Variants in DYRK4 observed in about 807,000 individuals in gnomAD.
DYRK4 encodes the protein dual specificity tyrosine phosphorylation regulated kinase 4.
Under a neutral mutation model 68.3 loss-of-function variants are expected in DYRK4, and 64 were observed. That is an observed-to-expected ratio of 0.94 (90% confidence interval 0.77 to 1.15). The LOEUF (loss-of-function observed/expected upper bound fraction) is 1.15, where lower values mean the gene tolerates loss of function less well. Ranked by LOEUF, DYRK4 falls within the 50% of genes most tolerant of loss-of-function variation. DYRK4 has a pLI of 0.00. For missense variants in DYRK4, 740 were observed against 764.7 expected, an observed-to-expected ratio of 0.97 and a Z score of 0.38; for synonymous variants, 274 against 289.9, an observed-to-expected ratio of 0.95 and a Z score of 0.56.
intron 10 of DYRK4, chr12:4,603,271 T>G: frequency 1.1e-6 from 1 of 894,140 alleles, no homozygotes; most frequent in Non-Finnish European, 1.8e-6. Context: ...CTTTTAAGTC[T>G]TGGTTAATAT....
chr12:4,571,733 CAT>C (rs1459510141), intron 2 of DYRK4, among the ~76,000 whole-genome samples: 25 of 152,098 alleles, frequency 1.6e-4, no homozygotes, highest in South Asian at 1.5e-3. Flanking sequence ...TTAAATAAAA[CAT>C]ATTATTAAAA....
At chr12:4,610,305 C>CTGCTT in intron 13 of DYRK4, 21 bp downstream of exon 13, 1 of 1,513,844 alleles carries the variant, frequency 6.6e-7, no homozygotes, top group Non-Finnish European at 8.8e-7. Context: ...TGGGACATCT[C>CTGCTT]TGCTTCTGGG....
rs1255131704 is a variant in DYRK4, at chr12:4,593,012, G to C, written c.474G>C (p.Lys158Asn). 5.0e-6 allele frequency: 8 copies of C among 1,613,900 alleles called. No homozygotes were observed. The Middle Eastern group carries it at 4.9e-4, about 100-fold the overall frequency. Residue 158 changes from lysine (K) to asparagine (N), a missense_variant, in exon 6 of 15, where the codon AAG (lysine) becomes AAC (asparagine). By Grantham distance (94) the Lys-to-Asn change is moderately conservative. Transcript: ENST00000543431. ...KVTLTAAEAL[K>N]LFKNQLSPYE... ...GTGTTTTTCACACAGAGGCCCTAAA[G>C]CTTTTTAAGAACCAGCTGTCTCCAT...
chr12:4,587,496 C>T (rs1357073978), intron 2 of DYRK4, among the ~76,000 whole-genome samples: 5 of 152,328 alleles, frequency 3.3e-5, no homozygotes, highest in Admixed American at 3.3e-4. Flanking sequence ...CTACCGCATC[C>T]TCAATGTCAG....
Position 4,612,590 on chromosome 12 carries a change from C to T in DYRK4, c.1538C>T (p.Ala513Val). ...RMTPDQALKHAWIHQSRNLKP... is the reference protein window; with the variant it reads ...RMTPDQALKHVWIHQSRNLKP... Reference sequence around the variant, plus strand: ...ACCCCGGACCAGGCCCTCAAGCATGCTTGGATTCATCAGTCTCGGAACCTC... The same window carrying T: ...ACCCCGGACCAGGCCCTCAAGCATGTTTGGATTCATCAGTCTCGGAACCTC... Residue 513 changes from alanine to valine, a missense_variant, in exon 14 of 15, where the codon GCT (alanine) becomes GTT (valine). Physicochemically the swap from Ala to Val is moderately conservative, Grantham distance 64. This residue lies in a region of DYRK4 where 614 missense variants were observed against 603.7 expected (regional missense o/e 1.02). Coordinates refer to ENST00000543431, the MANE Select transcript of DYRK4 (RefSeq NM_001394779.1). 6.2e-7 allele frequency: 1 copy of T among 1,614,218 alleles called. No homozygotes were observed. The highest frequency in any genetic ancestry group is 1.3e-5 in the African/African-American group (1 of 75,066).
chr12:4,567,865 C>T (rs1189304294), intron 1 of DYRK4, 90 bp from the exon 2 acceptor site: 1 of 1,147,296 alleles, frequency 8.7e-7, no homozygotes, highest in African/African-American at 1.6e-5. Flanking sequence ...TTTCTTCAAA[C>T]CTGCCTGCTT....
At chr12:4,588,239 A>T (rs1210878542) in intron 2 of DYRK4, among the ~76,000 whole-genome samples, 3 of 151,568 alleles carry the variant, frequency 2.0e-5, no homozygotes, top group Non-Finnish European at 4.4e-5. Flanking sequence ...TTTTTTTTTT[A>T]ACTTAAATTT....
intron 10 of DYRK4, chr12:4,602,213 T>C: frequency 1.0e-6 from 1 of 957,534 alleles, no homozygotes. Context: ...ATGTCTTCAA[T>C]CTGCTTTGCT....
chr12:4,594,107 T>C (rs1394980187), intron 6 of DYRK4, among the ~76,000 whole-genome samples: 1 of 152,178 alleles, frequency 6.6e-6, no homozygotes, highest in Non-Finnish European at 1.5e-5. Context: ...GTTTTCAATA[T>C]TTTCGGTCAA....
chr12:4,601,562 G>GA (rs199762269), intron 10 of DYRK4, among the ~76,000 whole-genome samples: 1,945 of 151,554 alleles, frequency 0.013, 49 homozygotes, highest in African/African-American at 0.045. Flanking sequence ...GAAGTAAGTG[G>GA]AAAAAAAACT....
At chr12:4,569,038 A>C (rs1011765573) in intron 2 of DYRK4, among the ~76,000 whole-genome samples, 1 of 152,078 alleles carries the variant, frequency 6.6e-6, no homozygotes, top group Non-Finnish European at 1.5e-5. Context: ...TCCTCCTATA[A>C]ATCACATATA....
At chr12:4,603,669 G>A (rs543701388) in intron 10 of DYRK4, among the ~76,000 whole-genome samples, 1 of 152,310 alleles carries the variant, frequency 6.6e-6, no homozygotes, top group South Asian at 2.1e-4. Context: ...GGCCTCTCTG[G>A]CAGATCAATT....
At chr12:4,592,933 A>G (rs1480832241) in intron 5 of DYRK4, 69 bp from the exon 6 acceptor site, 1 of 1,553,352 alleles carries the variant, frequency 6.4e-7, no homozygotes, top group Non-Finnish European at 8.8e-7. Context: ...AAGGGATGCC[A>G]TCGTCTGCAT....
chr12:4,605,733 T>G (rs951880533), intron 11 of DYRK4, among the ~76,000 whole-genome samples: 59 of 32,944 alleles, frequency 1.8e-3, no homozygotes, highest in Non-Finnish European at 3.9e-3. Flanking sequence ...AGCTGGGTTT[T>G]TTTTTTTTTT....
chr12:4,563,449 C>T (rs1023533282), intron 1 of DYRK4, among the ~76,000 whole-genome samples: 1 of 152,228 alleles, frequency 6.6e-6, no homozygotes, highest in Admixed American at 6.5e-5. Context: ...TTAGCTGACT[C>T]TAAGCCCATC....
chr12:4,580,879 C>T (rs1349831346), intron 2 of DYRK4: 2 of 455,600 alleles, frequency 4.4e-6, no homozygotes, highest in Non-Finnish European at 8.8e-6. Context: ...TGAAGTATGA[C>T]TGAGGCGGGA....
intron 6 of DYRK4, among the ~76,000 whole-genome samples, chr12:4,593,675 C>T (rs754573169): frequency 7.9e-5 from 12 of 152,212 alleles, no homozygotes; most frequent in Non-Finnish European, 1.6e-4. Context: ...CTTCCTCCCC[C>T]TCTTCTGACT....
At chr12:4,594,750 C>CCCTCCGT (rs1944997971) in intron 6 of DYRK4, among the ~76,000 whole-genome samples, 1 of 150,612 alleles carries the variant, frequency 6.6e-6, no homozygotes, top group African/African-American at 2.5e-5. Context: ...AAGAAAGGGA[C>CCCTCCGT]AATGTGTGTT....
At position 4,593,036 on chromosome 12, in the gene DYRK4, A is replaced by T. The variant is rs781529973; in HGVS notation, c.498A>T (p.Pro166=). 1 of 1,614,216 alleles carries T rather than the reference A, an allele frequency of 6.2e-7. No homozygotes were observed. Among genetic ancestry groups the T allele is most frequent in the Middle Eastern group, 1.6e-4 (1 of 6,062 alleles). ...ALKLFKNQLS[P]YEQSEILGYA... is the part of the protein sequence containing the mutation. ...AGCTTTTTAAGAACCAGCTGTCTCC[A>T]TATGAACAAAGTGAAATCCTGGGCT... Residue 166 remains proline (P), a synonymous_variant, in exon 6 of 15, where the codon CCA becomes CCT. Transcript: ENST00000543431.
Sources: allele counts gnomAD v4.1 joint callset (sites outside exome capture counted in the v4.1 genomes callset), GRCh38; gene constraint gnomAD v4.1.1; regional missense constraint gnomAD v4.1.1; transcripts MANE v1.5; gene names NCBI Gene and HGNC (gene_info 2026-07-23, HGNC 2026-07-21).